The following MRNIP variants were observed in gnomAD, a reference collection of about 807,000 sequenced individuals.
MRNIP encodes MRN complex interacting protein.
A neutral mutation model predicts 29.8 loss-of-function variants in MRNIP; 30 were observed. The observed-to-expected ratio is 1.01, with a 90% CI of 0.75 to 1.36. The LOEUF (loss-of-function observed/expected upper bound fraction) is 1.36. Among genes scored for constraint, MRNIP ranks in the 40% most tolerant of loss-of-function variants. MRNIP has a pLI of 0.00. For synonymous variants in MRNIP, 201 were observed against 164.1 expected (o/e 1.23, Z -1.72); for missense variants, 459 against 423.5 (o/e 1.08, Z -0.74).
Position 179,845,230 on chromosome 5 carries a change from C to T in MRNIP, c.216-1003G>A, listed in dbSNP as rs539311587. ...TTCTTTTTTTTTTGAGATGGAGTCT[C>T]ACTCTGTCACCCAGGCTGGTGTGCA... On this transcript the variant is annotated intron_variant, in intron 3 of 6. Transcript: ENST00000292586. 8.3e-4 allele frequency among the ~76,000 whole-genome samples: 126 copies of T among 151,910 alleles called. 4 individuals are homozygous for T. The South Asian group carries it at 0.026, about 31-fold the overall frequency.
chr5:179,849,874 CGCT>C (rs1759285939), intron 2 of MRNIP, among the ~76,000 whole-genome samples: 1 of 30,716 alleles, frequency 3.3e-5, no homozygotes, highest in Non-Finnish European at 7.9e-5. Flanking sequence ...GTACGGGTCC[CGCT>C]ATGGCACAGG....
intron 3 of MRNIP, chr5:179,847,735 G>C (rs1759193371): frequency 4.6e-6 from 2 of 435,158 alleles, no homozygotes; most frequent in African/African-American, 4.1e-5. Context: ...CCACAGGTCT[G>C]GACCTCATCA....
chr5:179,849,293 G>A (rs1176541395), intron 2 of MRNIP, among the ~76,000 whole-genome samples: 1 of 150,918 alleles, frequency 6.6e-6, no homozygotes, highest in African/African-American at 2.5e-5. Context: ...ACAGGCAGAT[G>A]GTACGAGATG....
chr5:179,857,216 A>T (rs1280366986), intron 1 of MRNIP, among the ~76,000 whole-genome samples: 1 of 152,196 alleles, frequency 6.6e-6, no homozygotes, highest in African/African-American at 2.4e-5. Context: ...TAATCCCAGC[A>T]CTTTCGGAGG....
Position 179,837,575 on chromosome 5 carries a change from A to G in MRNIP, c.848T>C (p.Val283Ala). Reference protein sequence around the residue: ...REGLSRPTAAVQLPRATHPVT... With the variant: ...REGLSRPTAAAQLPRATHPVT... ...GGGGTGTGTGGCCCGAGGAAGCTGGACAGCGGCAGTGGGCCTGCTGAGGCC... is the reference window on the plus strand; with the variant it reads ...GGGGTGTGTGGCCCGAGGAAGCTGGGCAGCGGCAGTGGGCCTGCTGAGGCC... Residue 283 changes from valine (V) to alanine (A), a missense_variant, in exon 7 of 7, where the codon GTC (valine) becomes GCC (alanine). Physicochemically the swap from Val to Ala is moderately conservative, Grantham distance 64 (BLOSUM62 0). Coordinates refer to ENST00000292586, the MANE Select transcript of MRNIP (RefSeq NM_016175.4). The G allele has an allele frequency of 6.2e-7, 1 of 1,614,196 alleles. No individual in the cohort carries two copies. The highest frequency in any genetic ancestry group is 8.5e-7 in the Non-Finnish European group (1 of 1,180,000).
intron 6 of MRNIP, chr5:179,840,439 T>C (rs900535048): frequency 3.7e-5 from 8 of 214,526 alleles, no homozygotes; most frequent in African/African-American, 1.9e-4. Flanking sequence ...GACAACACCC[T>C]AAGTGAAGAG....
At chr5:179,842,147 T>A in intron 4 of MRNIP, 83 bp from the exon 5 acceptor site, 1 of 1,372,678 alleles carries the variant, frequency 7.3e-7, no homozygotes, top group Non-Finnish European at 1.0e-6. Flanking sequence ...CTCTTGGGCC[T>A]GAGGATCTCA....
In MRNIP at chr5:179,841,908, T is replaced by C; in HGVS notation, c.448A>G (p.Arg150Gly). 6.2e-7 allele frequency: 1 copy of C among 1,613,008 alleles called. No homozygotes were observed. Among genetic ancestry groups the C allele is most frequent in the Non-Finnish European group, 8.5e-7 (1 of 1,179,624 alleles). Residue 150 changes from arginine (R) to glycine (G), a missense_variant and splice_region_variant, in exon 5 of 7, where the codon AGG becomes GGG. Physicochemically the swap from Arg to Gly is moderately radical, Grantham distance 125. Transcript: ENST00000292586. ...PRFSQDLPRKRKWSRSTVQPP... is the reference protein window; with the variant it reads ...PRFSQDLPRKGKWSRSTVQPP... ...CTGGAACGGAGACGCACTTGGTACC[T>C]TTTTCTAGGCAGGTCTTGACTGAAG...
intron 3 of MRNIP, chr5:179,846,019 G>A (rs1759114179): frequency 6.6e-6 from 1 of 152,128 alleles, no homozygotes; most frequent in Non-Finnish European, 1.5e-5. Flanking sequence ...TTGGTCCAGG[G>A]TATATGAGTA....
Position 179,837,305 on chromosome 5 carries a change from TC to T in MRNIP, c.*85del. The T allele has an allele frequency of 1.2e-6, 2 of 1,600,802 alleles. No individual in the cohort carries two copies. The highest frequency in any genetic ancestry group is 1.7e-6 in the Non-Finnish European group (2 of 1,173,668). On this transcript the variant is annotated 3_prime_UTR_variant, in exon 7 of 7. Coordinates refer to ENST00000292586, the MANE Select transcript of MRNIP (RefSeq NM_016175.4). ...TGACAGTAAGTTTATTGTTAATGGTTCTTACAGAGTATCTTTAAAAGTGCCT... is the reference window on the plus strand; with the variant it reads ...TGACAGTAAGTTTATTGTTAATGGTTTTACAGAGTATCTTTAAAAGTGCCT...
Position 179,837,805 on chromosome 5 carries a change from C to T in MRNIP, c.618G>A (p.Gly206=), listed in dbSNP as rs914228872. The T allele has an allele frequency of 6.8e-6, 11 of 1,613,810 alleles. No individual in the cohort carries two copies. Among genetic ancestry groups the T allele is most frequent in the Non-Finnish European group, 9.3e-6 (11 of 1,180,048 alleles). The change falls in exon 7 of 7, where the codon GGG becomes GGA. Residue 206 remains glycine, a synonymous_variant. Transcript: ENST00000292586. Reference sequence around the variant, plus strand: ...GCTCCTTCCCAGGACCCCTCAGCTCCCCGGCACTGCAGTCTGCAGAGTTCT... The same window carrying T: ...GCTCCTTCCCAGGACCCCTCAGCTCTCCGGCACTGCAGTCTGCAGAGTTCT... ...LQENSADCSA[G]ELRGPGKELW...
At chr5:179,840,619 TCA>T in intron 6 of MRNIP, 1 of 567,346 alleles carries the variant, frequency 1.8e-6, no homozygotes, top group South Asian at 2.2e-5. Flanking sequence ...CTGGCCAACC[TCA>T]GTTTCTCCAA....
chr5:179,856,018 C>G (rs1335784344), intron 1 of MRNIP, among the ~76,000 whole-genome samples: 1 of 149,328 alleles, frequency 6.7e-6, no homozygotes, highest in African/African-American at 2.5e-5. Context: ...AAGTGATTCT[C>G]CTGCCTCAGC....
At chr5:179,844,347 G>A (rs1479616238) in intron 3 of MRNIP, 120 bp from the exon 4 acceptor site, 5 of 758,314 alleles carry the variant, frequency 6.6e-6, no homozygotes, top group East Asian at 2.5e-5. Context: ...GAGGTCAGGA[G>A]TTCGAGACAA....
rs370629605 is a variant in MRNIP at position 179,858,817 on chromosome 5, G to A, written c.-21C>T. 493 of 1,538,162 alleles carry A rather than the reference G, an allele frequency of 3.2e-4. 1 individual carries two copies. The African/African-American group carries it at 6.0e-3, about 19-fold the overall frequency. On this transcript the variant is annotated 5_prime_UTR_variant, in exon 1 of 7. Transcript: ENST00000292586. The stretch of plus-strand genomic sequence containing the variant: ...GCCATCCCTGCTTGTGCAGTCGCCA[G>A]GCAGCCAAGCGCGTGCGCTCTGCAT...
intron 5 of MRNIP, 31 bp downstream of exon 5, chr5:179,841,876 G>A: frequency 6.2e-7 from 1 of 1,608,234 alleles, no homozygotes; most frequent in Non-Finnish European, 8.5e-7. Context: ...GAGGCCCTGG[G>A]CCAGGGCTGG....
chr5:179,844,011 G>T, intron 4 of MRNIP, 141 bp downstream of exon 4: 1 of 688,474 alleles, frequency 1.5e-6, no homozygotes. Context: ...ATTTATTTTT[G>T]TGTTCCCTGC....
At chr5:179,843,309 CAGA>C (rs761606015) in intron 4 of MRNIP, among the ~76,000 whole-genome samples, 11 of 151,930 alleles carry the variant, frequency 7.2e-5, no homozygotes, top group Non-Finnish European at 1.3e-4. Flanking sequence ...TACCGCAGCA[CAGA>C]AGAATGATAC....
intron 1 of MRNIP, among the ~76,000 whole-genome samples, chr5:179,856,597 A>G (rs1759591892): frequency 6.6e-6 from 1 of 152,146 alleles, no homozygotes; most frequent in Admixed American, 6.5e-5. Context: ...AGCGACCCTG[A>G]GTAGCTAGGA....
Sources: allele counts gnomAD v4.1 joint callset (sites outside exome capture counted in the v4.1 genomes callset), GRCh38; gene constraint gnomAD v4.1.1; transcripts MANE v1.5; gene names NCBI Gene and HGNC (gene_info 2026-07-23, HGNC 2026-07-21).